The following TTC6 variants were observed in gnomAD, a reference collection of about 807,000 sequenced individuals.
The protein encoded by TTC6 is tetratricopeptide repeat domain 6, also known as tetratricopeptide repeat protein 6.
TTC6 carries 172 observed loss-of-function variants against 210.4 expected under a neutral mutation model. The ratio of observed to expected loss-of-function variants is 0.82; its 90% CI spans 0.72 to 0.93. The LOEUF (loss-of-function observed/expected upper bound fraction) is 0.93, where lower values mean the gene tolerates loss of function less well. Among genes scored for constraint, TTC6 ranks in the 40% least tolerant of loss-of-function variants. The pLI is 0.00. For missense variants in TTC6, 2,414 were observed against 2,318.1 expected (o/e 1.04, Z -0.85); for synonymous variants, 804 against 819.6 (o/e 0.98, Z 0.32).
At chr14:37,615,483 T>A (rs926516291) in intron 2 of TTC6, among the ~76,000 whole-genome samples, 2 of 152,142 alleles carry the variant, frequency 1.3e-5, no homozygotes, top group Admixed American at 1.3e-4. Flanking sequence ...CTTTTTTGTC[T>A]TTTCTTATAA....
At chr14:37,737,671 A>C in exon 9 of TTC6, 3 of 1,519,242 alleles carry the variant, frequency 2.0e-6, no homozygotes, top group Non-Finnish European at 2.6e-6. Flanking sequence ...GTTTCTTACC[A>C]AGAAAATCTG....
intron 10 of TTC6, among the ~76,000 whole-genome samples, chr14:37,744,635 C>A (rs1026968845): frequency 2.0e-5 from 3 of 151,996 alleles, no homozygotes; most frequent in African/African-American, 7.3e-5. Flanking sequence ...CCTTGCAGGC[C>A]AGAGTAAATT....
chr14:37,804,479 A>G (rs746697245), intron 20 of TTC6, among the ~76,000 whole-genome samples: 39 of 152,178 alleles, frequency 2.6e-4, no homozygotes, highest in Non-Finnish European at 4.7e-4. Context: ...GGTGGGACTC[A>G]TGAGGGTAAG....
At chr14:37,726,340 C>A (rs1488074046) in intron 7 of TTC6, among the ~76,000 whole-genome samples, 1 of 152,062 alleles carries the variant, frequency 6.6e-6, no homozygotes, top group Non-Finnish European at 1.5e-5. Flanking sequence ...GAAATGGGGT[C>A]ATCAATTTAT....
chr14:37,787,953 C>G (rs1170184656), intron 15 of TTC6, among the ~76,000 whole-genome samples: 7 of 149,186 alleles, frequency 4.7e-5, no homozygotes, highest in Non-Finnish European at 1.0e-4. Context: ...AATGTGACAG[C>G]AAAGAATCTC....
chr14:37,658,662 T>G (rs1310019891), intron 1 of TTC6, among the ~76,000 whole-genome samples: 1 of 152,170 alleles, frequency 6.6e-6, no homozygotes, highest in East Asian at 1.9e-4. Flanking sequence ...TTAAAAGCCT[T>G]GACTTCTACA....
intron 10 of TTC6, among the ~76,000 whole-genome samples, chr14:37,740,997 T>C (rs1957575): frequency 0.62 from 94,431 of 151,918 alleles, 30,486 homozygotes; most frequent in East Asian, 0.89. Flanking sequence ...TATAAAGTTT[T>C]ACCATTTAAA....
At chr14:37,725,338 AT>A (rs1566912238) in intron 7 of TTC6, among the ~76,000 whole-genome samples, 1 of 100,582 alleles carries the variant, frequency 9.9e-6, no homozygotes, top group African/African-American at 3.5e-5. Context: ...ATATATATAT[AT>A]ATATATATAT....
exon 1 of TTC6, chr14:37,622,871 C>A: frequency 6.5e-7 from 1 of 1,534,986 alleles, no homozygotes; most frequent in African/African-American, 1.4e-5. Flanking sequence ...CGCTGCTGCC[C>A]TCCCGCGTGA....
At chr14:37,796,580 A>G (rs543072696) in intron 19 of TTC6, among the ~76,000 whole-genome samples, 2 of 152,200 alleles carry the variant, frequency 1.3e-5, no homozygotes, top group South Asian at 4.1e-4. Context: ...TATTAAGCTT[A>G]CAATTTTTCT....
chr14:37,719,913 G>A (rs2095858675), intron 6 of TTC6, among the ~76,000 whole-genome samples: 1 of 151,854 alleles, frequency 6.6e-6, no homozygotes, highest in African/African-American at 2.4e-5. Flanking sequence ...TTAAATACAA[G>A]CCACCGACTC....
chr14:37,626,149 A>G (rs999893647), intron 1 of TTC6, among the ~76,000 whole-genome samples: 2 of 152,218 alleles, frequency 1.3e-5, no homozygotes, highest in African/African-American at 2.4e-5. Flanking sequence ...AGAACCACTG[A>G]CCTAAACAGT....
chr14:37,671,306 A>AT lies in TTC6; in HGVS notation c.940-8837dup, dbSNP rs1002622871. On this transcript the variant is annotated intron_variant, in intron 1 of 30. Transcript: ENST00000553443. Reference sequence around the variant, plus strand: ...GAGAGGGCAATGCGGAACTTGCCATATTTTTTTTGAAATAGCCACACACTG... The same window carrying AT: ...GAGAGGGCAATGCGGAACTTGCCATATTTTTTTTTGAAATAGCCACACACTG... Among the ~76,000 whole-genome samples the AT allele has an allele frequency of 3.3e-5, 5 of 151,874 alleles. No homozygotes were observed. The East Asian group carries it at 5.8e-4, about 18-fold the overall frequency.
chr14:37,809,809 G>A (rs569186114), intron 24 of TTC6, among the ~76,000 whole-genome samples: 1 of 152,216 alleles, frequency 6.6e-6, no homozygotes, highest in African/African-American at 2.4e-5. Context: ...TCTCCTGTCG[G>A]TTTGGTCCCT....
intron 24 of TTC6, among the ~76,000 whole-genome samples, chr14:37,811,509 C>T (rs74611150): frequency 0.013 from 1,945 of 152,208 alleles, 43 homozygotes; most frequent in East Asian, 0.1. Context: ...AGATTTAGCC[C>T]TTTTCTGATC....
At chr14:37,682,608 C>G in intron 2 of TTC6, 150 bp from the exon 5 acceptor site, 2 of 689,264 alleles carry the variant, frequency 2.9e-6, no homozygotes, top group South Asian at 4.0e-5. Flanking sequence ...GCTTCTCTTT[C>G]TAAATCTTCA....
At chr14:37,829,475 T>C (rs2096179812) in intron 29 of TTC6, among the ~76,000 whole-genome samples, 3 of 152,044 alleles carry the variant, frequency 2.0e-5, no homozygotes, top group Admixed American at 2.0e-4. Flanking sequence ...GTTTCTCTAC[T>C]ATGAACAACA....
At chr14:37,675,227 A>G (rs1468607253) in intron 1 of TTC6, among the ~76,000 whole-genome samples, 3 of 152,082 alleles carry the variant, frequency 2.0e-5, no homozygotes, top group African/African-American at 7.2e-5. Context: ...GTCATTCGCC[A>G]TTCCCTATAC....
chr14:37,805,453 A>ACT (rs911902105), intron 21 of TTC6, among the ~76,000 whole-genome samples: 89 of 150,390 alleles, frequency 5.9e-4, no homozygotes, highest in African/African-American at 1.9e-3. Flanking sequence ...ACACACACAC[A>ACT]AACACACACA....
Sources: allele counts gnomAD v4.1 joint callset (sites outside exome capture counted in the v4.1 genomes callset), GRCh38; gene constraint gnomAD v4.1.1; transcripts MANE v1.5; gene names NCBI Gene and HGNC (gene_info 2026-07-23, HGNC 2026-07-21).